SMAD3: variants seen among roughly 807,000 people sequenced by gnomAD.
The protein encoded by SMAD3 is MAD homolog 3.
A neutral mutation model predicts 51.8 loss-of-function variants in SMAD3; 12 were observed. That is an observed-to-expected ratio of 0.23 (90% CI 0.15 to 0.38). The LOEUF (loss-of-function observed/expected upper bound fraction) is 0.38. Ranked by LOEUF, SMAD3 falls within the 10% of genes least tolerant of loss-of-function variation. The probability of loss-of-function intolerance (pLI) is 1.00; values close to 1 mark genes in which losing one functional copy is unlikely to be tolerated. For synonymous variants in SMAD3, 238 were observed against 227.7 expected (o/e 1.05, Z -0.41); for missense variants, 294 against 565.6 (o/e 0.52, Z 4.87).
chr15:67,186,875 C>T (rs1447016506), intron 7 of SMAD3: 2 of 356,396 alleles, frequency 5.6e-6, no homozygotes, highest in Admixed American at 7.5e-5. Flanking sequence ...GGCCCAGTAG[C>T]CTTTCGGCCA....
intron 5 of SMAD3, among the ~76,000 whole-genome samples, chr15:67,179,279 CT>C (rs1962989044): frequency 1.3e-5 from 2 of 152,124 alleles, no homozygotes; most frequent in South Asian, 4.1e-4. Flanking sequence ...GTTTTGCCCC[CT>C]AGAAGACATC....
At chr15:67,138,602 C>G (rs796587046) in intron 1 of SMAD3, 5 of 153,094 alleles carry the variant, frequency 3.3e-5, no homozygotes, top group African/African-American at 1.2e-4. Context: ...CTCTGTGGGT[C>G]TGGGCATTTG....
intron 1 of SMAD3, among the ~76,000 whole-genome samples, chr15:67,139,683 TAA>T (rs1961765696): frequency 6.6e-6 from 1 of 152,074 alleles, no homozygotes; most frequent in Admixed American, 6.5e-5. Context: ...CCAGCTATGT[TAA>T]AAGGCCCTGG....
At chr15:67,085,642 G>A (rs964260597) in intron 1 of SMAD3, among the ~76,000 whole-genome samples, 6 of 152,086 alleles carry the variant, frequency 3.9e-5, no homozygotes, top group African/African-American at 1.4e-4. Flanking sequence ...CTCAACCATG[G>A]CTGCTTTTAA....
At chr15:67,177,496 C>G (rs1353920403) in intron 5 of SMAD3, among the ~76,000 whole-genome samples, 7 of 136,820 alleles carry the variant, frequency 5.1e-5, no homozygotes, top group Non-Finnish European at 9.1e-5. Flanking sequence ...GATCTTGGCT[C>G]ACTGCAACCT....
intron 1 of SMAD3, among the ~76,000 whole-genome samples, chr15:67,151,257 A>G (rs1278727157): frequency 6.6e-6 from 1 of 152,056 alleles, no homozygotes; most frequent in Non-Finnish European, 1.5e-5. Context: ...TTTTCTTTGG[A>G]GAAGAGGGTC....
intron 8 of SMAD3, 80 bp from the exon 9 acceptor site, chr15:67,190,333 C>A: frequency 7.5e-7 from 1 of 1,341,180 alleles, no homozygotes. Context: ...GTCACCAAAG[C>A]AGAAAAAGCT....
chr15:67,191,235 G>A lies in SMAD3; in HGVS notation c.*699G>A, dbSNP rs995523806. On this transcript the variant is annotated 3_prime_UTR_variant, in exon 9 of 9. Coordinates refer to ENST00000327367, the MANE Select transcript of SMAD3 (RefSeq NM_005902.4). ...GCCACCTCTTTAAAAACTCACTTAC[G>A]TTTGTCCTTTTTCACTTTGAAAAGT... 8 of 233,484 alleles carry A rather than the reference G, an allele frequency of 3.4e-5. No individual in the cohort carries two copies. Among genetic ancestry groups the A allele is most frequent in the East Asian group, 1.8e-4 (3 of 16,742 alleles). The allele number at this position is 233,484 out of a possible 1,614,324, so 14.5% of individuals were successfully genotyped here. A position where few individuals can be genotyped will look rare whatever the true frequency, so the allele number is the denominator to read the frequency against.
intron 1 of SMAD3, chr15:67,125,790 T>A: frequency 2.0e-6 from 2 of 985,236 alleles, no homozygotes; most frequent in Non-Finnish European, 2.4e-6. Context: ...TGGGGTTAGG[T>A]CACTGCTGGG....
intron 5 of SMAD3, among the ~76,000 whole-genome samples, chr15:67,176,779 T>TA (rs1962908799): frequency 6.6e-6 from 1 of 152,064 alleles, no homozygotes; most frequent in South Asian, 2.1e-4. Flanking sequence ...ACCACACTGG[T>TA]GGGGGAGGGG....
chr15:67,173,640 T>C (rs1962811926), intron 5 of SMAD3, among the ~76,000 whole-genome samples: 2 of 152,048 alleles, frequency 1.3e-5, no homozygotes, highest in Admixed American at 1.3e-4. Context: ...GTTTGTGGGT[T>C]TTGATTGGGG....
chr15:67,154,246 G>C (rs371395231), intron 1 of SMAD3, among the ~76,000 whole-genome samples: 36 of 152,170 alleles, frequency 2.4e-4, no homozygotes, highest in African/African-American at 7.7e-4. Context: ...ATTTTATTTG[G>C]TTTCCCCCTA....
At position 67,066,097 on chromosome 15, in the gene SMAD3, C is replaced by T. The variant is rs1595881984; in HGVS notation, c.-58C>T. On this transcript the variant is annotated 5_prime_UTR_variant, in exon 1 of 9. Coordinates refer to ENST00000327367, the MANE Select transcript of SMAD3 (RefSeq NM_005902.4). ...GAGCTCCCCTCTGCGCCCCCGGCGT[C>T]CCGTCGAGCCCAGCCCCGCCGGGGG... The T allele has an allele frequency of 9.4e-6, 13 of 1,376,930 alleles. No individual in the cohort carries two copies. In the East Asian group the frequency reaches 3.3e-4, roughly 35 times the overall value. The allele number at this position is 1,376,930 out of a possible 1,614,324, so 85.3% of individuals were successfully genotyped here.
At chr15:67,118,973 C>T (rs944810397) in intron 1 of SMAD3, among the ~76,000 whole-genome samples, 2 of 152,174 alleles carry the variant, frequency 1.3e-5, no homozygotes, top group African/African-American at 4.8e-5. Flanking sequence ...CACCTATTAG[C>T]AGGAGCACAG....
rs369420638 is a variant in SMAD3 at position 67,179,361 on chromosome 15, T to C, written c.659-1880T>C. On this transcript the variant is annotated intron_variant, in intron 5 of 8. Transcript: ENST00000327367. ...GTTATGGATGTATACTACTAGCACC[T>C]AGTGGGTAGGGGCCAGGATGCTGCT... Among the ~76,000 whole-genome samples, 8 of 152,310 alleles carry C rather than the reference T, an allele frequency of 5.3e-5. No individual in the cohort carries two copies. The South Asian group carries it at 1.0e-3, about 20-fold the overall frequency.
intron 1 of SMAD3, among the ~76,000 whole-genome samples, chr15:67,136,394 G>A (rs1456266702): frequency 6.6e-6 from 1 of 150,700 alleles, no homozygotes; most frequent in Non-Finnish European, 1.5e-5. Flanking sequence ...GTGCAGTGGT[G>A]CAATCTCGGC....
intron 1 of SMAD3, among the ~76,000 whole-genome samples, chr15:67,090,988 G>T (rs1960496957): frequency 6.6e-6 from 1 of 152,210 alleles, no homozygotes; most frequent in Admixed American, 6.5e-5. Context: ...TTTCAGGGCT[G>T]TTAGAGTGCA....
At position 67,181,333 on chromosome 15, in the gene SMAD3, T is replaced by G; in HGVS notation, c.751T>G (p.Ser251Ala). The change falls in exon 6 of 9, where the codon TCG (serine) becomes GCG (alanine). Residue 251 changes from serine to alanine, a missense_variant. Ser to Ala is a moderately conservative substitution (Grantham distance 99, BLOSUM62 1). Transcript: ENST00000327367. ...NQRVGETFHA[S>A]QPSMTVDGFT... ...GCGCGTCGGGGAGACATTCCACGCC[T>G]CGCAGCCATCCATGACTGTGGATGG... 1 of 1,614,104 alleles carries G rather than the reference T, an allele frequency of 6.2e-7. No homozygotes were observed. Among genetic ancestry groups the G allele is most frequent in the Non-Finnish European group, 8.5e-7 (1 of 1,180,018 alleles).
intron 6 of SMAD3, among the ~76,000 whole-genome samples, chr15:67,184,288 G>A (rs1266560660): frequency 6.6e-6 from 1 of 151,998 alleles, no homozygotes; most frequent in Non-Finnish European, 1.5e-5. Flanking sequence ...AAATGTTTTT[G>A]TAGAGATGAA....
Sources: gnomAD v4.1 joint callset for allele counts (sites outside exome capture counted in the v4.1 genomes callset) on GRCh38, gnomAD v4.1.1 for gene constraint, MANE v1.5 for transcripts, NCBI Gene and HGNC (gene_info 2026-07-23, HGNC 2026-07-21) for gene names.